Variants in MMRN2 observed in about 807,000 individuals in gnomAD.
MMRN2 encodes multimerin-2.
Under a neutral mutation model 68.8 loss-of-function variants are expected in MMRN2, and 53 were observed. That is an observed-to-expected ratio of 0.77 (90% CI 0.62 to 0.97). MMRN2 has a LOEUF of 0.97. MMRN2 is among the 50% of genes least tolerant of loss of function. The pLI is 0.00. For synonymous variants in MMRN2, 564 were observed against 551.6 expected (o/e 1.02, Z -0.32); for missense variants, 1,266 against 1,259.5 (o/e 1.01, Z -0.08).
intron 2 of MMRN2, 33 bp from the exon 3 acceptor site, chr10:86,945,509 CA>C: frequency 6.4e-7 from 1 of 1,558,652 alleles, no homozygotes; most frequent in South Asian, 1.2e-5. Flanking sequence ...TCAGTGATTC[CA>C]GGGAGGGCCC....
intron 1 of MMRN2, 51 bp downstream of exon 1, chr10:86,957,327 T>G (rs764060589): frequency 6.3e-7 from 1 of 1,588,674 alleles, no homozygotes; most frequent in Non-Finnish European, 8.6e-7. Flanking sequence ...CTAGCTGAGC[T>G]GGGACTCAGA....
In MMRN2 at chr10:86,946,948, CAG is replaced by C. The variant is rs1222272663; in HGVS notation, c.165-1261_165-1260del. On this transcript the variant is annotated intron_variant, in intron 1 of 6. Transcript: ENST00000372027. ...AAGTCGGATGAGGCACCAGATGTGA[CAG>C]GGGTGCAAGAGGGTGAGGAAGGGGC... is the stretch of plus-strand genomic sequence containing the variant. Among the ~76,000 whole-genome samples, 13 of 152,170 alleles carry C rather than the reference CAG, an allele frequency of 8.5e-5. No individual in the cohort carries two copies. The South Asian group carries it at 2.7e-3, about 32-fold the overall frequency.
intron 1 of MMRN2, among the ~76,000 whole-genome samples, chr10:86,951,941 G>A (rs948020568): frequency 2.6e-5 from 4 of 152,186 alleles, no homozygotes; most frequent in African/African-American, 9.7e-5. Flanking sequence ...CCAGCTACTT[G>A]GGAGGCTGAG....
chr10:86,949,436 C>T (rs1844113933), intron 1 of MMRN2: 1 of 151,992 alleles, frequency 6.6e-6, no homozygotes, highest in African/African-American at 2.4e-5. Context: ...GTGGCTTGCA[C>T]CTGTAATCCC....
chr10:86,953,516 G>A (rs901706183), intron 1 of MMRN2, among the ~76,000 whole-genome samples: 1 of 152,176 alleles, frequency 6.6e-6, no homozygotes, highest in Non-Finnish European at 1.5e-5. Context: ...TCAGCCCTAG[G>A]GAAAAATCTC....
At position 86,936,101 on chromosome 10, in the gene MMRN2, G is replaced by GATTATC. The variant is rs1843874373; in HGVS notation, c.*641_*642insGATAAT. On this transcript the variant is annotated 3_prime_UTR_variant, in exon 7 of 7. Transcript: ENST00000372027. ...TCTCCCTTGATGTGGGGATTATAGG[G>GATTATC]ATTACAATTCAAGATGATATTTTAG... 4.0e-6 allele frequency: 1 copy of GATTATC among 250,514 alleles called. No individual in the cohort carries two copies. The highest frequency in any genetic ancestry group is 1.8e-4 in the South Asian group (1 of 5,690). 15.5% of individuals were successfully genotyped at this position (250,514 alleles called of 1,614,324 possible).
chr10:86,943,410 C>T lies in MMRN2; in HGVS notation c.1374G>A (p.Glu458=). ...VILMEKSLIM[E]ENKEEVERQL... ...GCCGCTCCACCTCCTCCTTGTTCTCCTCCATGATCAGAGACTTCTCCATCA... is the reference window on the plus strand; with the variant it reads ...GCCGCTCCACCTCCTCCTTGTTCTCTTCCATGATCAGAGACTTCTCCATCA... Residue 458 remains glutamate (E), a synonymous_variant, in exon 6 of 7, where the codon GAG becomes GAA. Transcript: ENST00000372027. This position sits in a 1 kb window ranked among gnomAD's most constrained non-coding sequence, Gnocchi z 4.2. The T allele has an allele frequency of 1.9e-6, 3 of 1,614,040 alleles. No individual in the cohort carries two copies. The highest frequency in any genetic ancestry group is 2.5e-6 in the Non-Finnish European group (3 of 1,179,970).
At chr10:86,948,792 A>C (rs1323899807) in intron 1 of MMRN2, 1 of 152,090 alleles carries the variant, frequency 6.6e-6, no homozygotes, top group African/African-American at 2.4e-5. Context: ...CAATCTCCAC[A>C]AAAAAATTAA....
Position 86,943,306 on chromosome 10 carries a change from TTGCAGTCCTTCACGTACTTGA to T in MMRN2, c.1457_1477del (p.Ile486_Cys492del), listed in dbSNP as rs781152556. On this transcript the variant is annotated inframe_deletion, in exon 6 of 7. Transcript: ENST00000372027. The surrounding 1 kb of genome is among the most constrained non-coding windows in gnomAD (Gnocchi z 4.2). ...CAGGTCTAAATAGAGCTTCTGGCAA[TTGCAGTCCTTCACGTACTTGA>T]TGAGGTCGGCATGGCCACCCTGCAG... 6.2e-6 allele frequency: 10 copies of T among 1,613,736 alleles called. No individual in the cohort carries two copies. Among genetic ancestry groups the T allele is most frequent in the Non-Finnish European group, 8.5e-6 (10 of 1,180,024 alleles).
At chr10:86,950,334 C>T (rs536609941) in intron 1 of MMRN2, among the ~76,000 whole-genome samples, 28 of 151,860 alleles carry the variant, frequency 1.8e-4, no homozygotes, top group East Asian at 3.9e-4. Context: ...TGAGAGACTC[C>T]GTCTCAAAAA....
At chr10:86,938,573 C>T (rs1299336812) in intron 6 of MMRN2, among the ~76,000 whole-genome samples, 1 of 152,212 alleles carries the variant, frequency 6.6e-6, no homozygotes, top group South Asian at 2.1e-4. Flanking sequence ...CTACTTGGGT[C>T]CTGGCTGTGA....
At chr10:86,939,677 C>CAA (rs754971521) in intron 6 of MMRN2, among the ~76,000 whole-genome samples, 2 of 151,442 alleles carry the variant, frequency 1.3e-5, no homozygotes, top group Non-Finnish European at 3.0e-5. Flanking sequence ...AGACCCCCAC[C>CAA]CCAACCCAGC....
intron 6 of MMRN2, among the ~76,000 whole-genome samples, 167 bp downstream of exon 6, chr10:86,942,150 A>C (rs889750940): frequency 6.6e-5 from 10 of 152,072 alleles, no homozygotes; most frequent in African/African-American, 2.2e-4. Flanking sequence ...AGCTTGAGAG[A>C]CCCACACCCC....
intron 6 of MMRN2, among the ~76,000 whole-genome samples, chr10:86,941,149 G>C (rs984726624): frequency 2.0e-5 from 3 of 152,226 alleles, no homozygotes; most frequent in Non-Finnish European, 4.4e-5. Context: ...AGCCCAGGAA[G>C]GGGACTAGCA....
In MMRN2 at chr10:86,942,998, A is replaced by G; in HGVS notation, c.1786T>C (p.Phe596Leu). 1 of 1,447,696 alleles carries G rather than the reference A, an allele frequency of 6.9e-7. No homozygotes were observed. The highest frequency in any genetic ancestry group is 9.1e-7 in the Non-Finnish European group (1 of 1,099,554). The allele number at this position is 1,447,696 out of a possible 1,614,324, so 89.7% of individuals were successfully genotyped here. ...RHEVRQLHSA[F>L]AALLEDALRH... is the part of the protein sequence containing the mutation. ...AGCGCGTCCTCCAGCAGGGCGGCGAAGGCGCTGTGCAGCTGGCGCACCTCG... is the reference window on the plus strand; with the variant it reads ...AGCGCGTCCTCCAGCAGGGCGGCGAGGGCGCTGTGCAGCTGGCGCACCTCG... The change falls in exon 6 of 7, where the codon TTC (phenylalanine) becomes CTC (leucine). Residue 596 changes from phenylalanine (F) to leucine (L), a missense_variant. Transcript: ENST00000372027.
intron 1 of MMRN2, among the ~76,000 whole-genome samples, chr10:86,951,481 G>C (rs1021288249): frequency 2.0e-5 from 3 of 152,212 alleles, no homozygotes; most frequent in African/African-American, 7.2e-5. Context: ...CCCTGATGCT[G>C]GCCATGGTTT....
In MMRN2 at chr10:86,956,092, C is replaced by T. The variant is rs140645843; in HGVS notation, c.164+1286G>A. ...GGCCTGAGACTAAGGCGTGGAGCTT[C>T]CTTGGTCCTGAAATCAGAGCGGAGT... On this transcript the variant is annotated intron_variant, in intron 1 of 6. Transcript: ENST00000372027. 6.7e-3 allele frequency among the ~76,000 whole-genome samples: 1,013 copies of T among 152,238 alleles called. 16 individuals carry two copies. Among genetic ancestry groups the T allele is most frequent in the African/African-American group, 0.023 (969 of 41,520 alleles).
At chr10:86,950,255 C>T (rs975354134) in intron 1 of MMRN2, among the ~76,000 whole-genome samples, 6 of 111,008 alleles carry the variant, frequency 5.4e-5, no homozygotes, top group African/African-American at 1.5e-4. Flanking sequence ...GCAGAAGAAT[C>T]GCTTGACCCG....
intron 1 of MMRN2, chr10:86,949,398 A>G (rs1360233764): frequency 6.6e-6 from 1 of 152,038 alleles, no homozygotes; most frequent in Non-Finnish European, 1.5e-5. Context: ...TTGCCTGCAC[A>G]TCAACACCAT....
Sources: gnomAD v4.1 joint callset for allele counts (sites outside exome capture counted in the v4.1 genomes callset) on GRCh38, gnomAD v4.1.1 for gene constraint, Gnocchi (gnomAD v3.1) non-coding constraint, MANE v1.5 for transcripts, NCBI Gene and HGNC (gene_info 2026-07-23, HGNC 2026-07-21) for gene names.